EFCAB6: variants seen among roughly 807,000 people sequenced by gnomAD.
EFCAB6 encodes the protein EF-hand calcium-binding domain-containing protein 6.
In EFCAB6, 156 loss-of-function variants were observed where a neutral mutation model predicts 169.8. That is an observed-to-expected ratio of 0.92 (90% CI 0.81 to 1.05). The LOEUF (loss-of-function observed/expected upper bound fraction) is 1.05. EFCAB6 is among the 50% of genes least tolerant of loss of function. EFCAB6 has a pLI of 0.00. For synonymous variants in EFCAB6, 698 were observed against 676.4 expected (o/e 1.03, Z -0.50); for missense variants, 1,800 against 1,829.1 (o/e 0.98, Z 0.29).
At chr22:43,632,045 C>T (rs2054984629) in intron 19 of EFCAB6, 60 bp downstream of exon 19, 6 of 1,589,514 alleles carry the variant, frequency 3.8e-6, no homozygotes, top group South Asian at 3.4e-5. Flanking sequence ...CCCACTTGGG[C>T]TGCGTGGTTG....
chr22:43,717,601 C>T (rs889052082), intron 8 of EFCAB6, among the ~76,000 whole-genome samples: 2 of 152,096 alleles, frequency 1.3e-5, no homozygotes, highest in Non-Finnish European at 2.9e-5. Flanking sequence ...TACTCAAGCT[C>T]ATTGATCATT....
In EFCAB6 at chr22:43,731,765, T is replaced by G; in HGVS notation, c.691A>C (p.Asn231His). ...NIHKDTAVDY[N>H]VFLKNLSINN... ...ATGCTGAGATTCTTCAAAAACACGT[T>G]GTAATCTACTGCAGTATCCTTGTGG... The change falls in exon 8 of 32, where the codon AAC becomes CAC. Residue 231 changes from asparagine to histidine, a missense_variant. Transcript: ENST00000262726. 1 of 1,603,876 alleles carries G rather than the reference T, an allele frequency of 6.2e-7. No individual in the cohort carries two copies. Among genetic ancestry groups the G allele is most frequent in the Non-Finnish European group, 8.5e-7 (1 of 1,176,680 alleles).
Position 43,672,055 on chromosome 22 carries a change from C to T in EFCAB6, c.1558G>A (p.Asp520Asn). 3 of 1,614,202 alleles carry T rather than the reference C, an allele frequency of 1.9e-6. No individual in the cohort carries two copies. Among genetic ancestry groups the T allele is most frequent in the Non-Finnish European group, 2.5e-6 (3 of 1,180,042 alleles). Residue 520 changes from aspartate (D) to asparagine (N), a missense_variant, in exon 15 of 32, where the codon GAC becomes AAC. By Grantham distance (23) the Asp-to-Asn change is conservative (BLOSUM62 1). Coordinates refer to ENST00000262726, the MANE Select transcript of EFCAB6 (RefSeq NM_022785.4). ...TTATTTCGGCCAATGCGCCCTGTGT[C>T]TCCAAGGTCATATGAGCGTAGCATG... ...YNMLRSYDLG[D>N]TGRIGRNNFK...
rs1247320879 is a variant in EFCAB6 at position 43,593,188 on chromosome 22, G to A, written c.2877-2959C>T. On this transcript the variant is annotated intron_variant, in intron 23 of 31. Transcript: ENST00000262726. ...GGAATTTTTACAAGCCGATATTTTT[G>A]AGGAAACAGAAATTGGTCATGCATT... 3.3e-5 allele frequency among the ~76,000 whole-genome samples: 5 copies of A among 152,330 alleles called. 1 individual carries two copies. The highest frequency in any genetic ancestry group is 6.8e-3 in the Middle Eastern group (2 of 294).
chr22:43,618,211 A>AAAG (rs2053867921), intron 20 of EFCAB6, among the ~76,000 whole-genome samples: 1 of 137,534 alleles, frequency 7.3e-6, no homozygotes, highest in South Asian at 2.5e-4. Flanking sequence ...AGAAAGAAAG[A>AAAG]AAGAAAGAAA....
chr22:43,778,973 G>A (rs186696182), intron 3 of EFCAB6, among the ~76,000 whole-genome samples: 11 of 152,050 alleles, frequency 7.2e-5, no homozygotes, highest in Admixed American at 2.6e-4. Flanking sequence ...AACACCCACA[G>A]AAAGAATAAT....
chr22:43,634,985 G>A (rs190379463), intron 18 of EFCAB6, 117 bp downstream of exon 18: 46 of 743,064 alleles, frequency 6.2e-5, no homozygotes, highest in Middle Eastern at 2.4e-4. Context: ...AAGACACCTC[G>A]TTTCAACATC....
chr22:43,549,867 C>T lies in EFCAB6; in HGVS notation c.3648+5002G>A, dbSNP rs377672531. Reference sequence around the variant, plus strand: ...AAGTTTAGTTTAACATCAGAAAGTCCGTTAATGTAATCCGCTATATTGAGA... The same window carrying T: ...AAGTTTAGTTTAACATCAGAAAGTCTGTTAATGTAATCCGCTATATTGAGA... On this transcript the variant is annotated intron_variant, in intron 27 of 31. Coordinates refer to ENST00000262726, the MANE Select transcript of EFCAB6 (RefSeq NM_022785.4). Among the ~76,000 whole-genome samples the T allele has an allele frequency of 1.8e-3, 271 of 152,230 alleles. 7 individuals carry two copies. In the South Asian group the frequency reaches 0.051, roughly 29 times the overall value.
chr22:43,773,735 T>C (rs1180666704), intron 3 of EFCAB6, among the ~76,000 whole-genome samples: 1 of 152,184 alleles, frequency 6.6e-6, no homozygotes, highest in Non-Finnish European at 1.5e-5. Flanking sequence ...TAATCCCAGC[T>C]ACTCAGGAGG....
intron 2 of EFCAB6, among the ~76,000 whole-genome samples, chr22:43,805,196 A>G (rs2062874626): frequency 6.6e-6 from 1 of 152,230 alleles, no homozygotes; most frequent in African/African-American, 2.4e-5. Flanking sequence ...AAACTATAAA[A>G]CACCAATGAA....
At chr22:43,747,847 A>G (rs1181211957) in intron 6 of EFCAB6, among the ~76,000 whole-genome samples, 1 of 152,148 alleles carries the variant, frequency 6.6e-6, no homozygotes, top group Non-Finnish European at 1.5e-5. Flanking sequence ...AAAGTCTTAG[A>G]GAGTTTACTG....
At chr22:43,620,490 T>C (rs1018841758) in intron 20 of EFCAB6, among the ~76,000 whole-genome samples, 1 of 152,058 alleles carries the variant, frequency 6.6e-6, no homozygotes, top group African/African-American at 2.4e-5. Flanking sequence ...AAACTCTATA[T>C]CCAGCAAAAA....
intron 5 of EFCAB6, among the ~76,000 whole-genome samples, chr22:43,758,880 C>A (rs2061050232): frequency 6.6e-6 from 1 of 152,130 alleles, no homozygotes; most frequent in Non-Finnish European, 1.5e-5. Context: ...ATCAAATTAA[C>A]CTTTAGAGGC....
intron 5 of EFCAB6, among the ~76,000 whole-genome samples, chr22:43,756,476 G>C (rs2060962852): frequency 6.6e-6 from 1 of 152,090 alleles, no homozygotes; most frequent in Non-Finnish European, 1.5e-5. Flanking sequence ...CATTATCTGT[G>C]TATCTACAAA....
At chr22:43,745,279 T>C (rs1382670153) in intron 6 of EFCAB6, among the ~76,000 whole-genome samples, 1 of 152,220 alleles carries the variant, frequency 6.6e-6, no homozygotes. Flanking sequence ...GTTTCCCCTC[T>C]GAAGCCCAGA....
At chr22:43,575,356 ATGT>A (rs1373146222) in intron 26 of EFCAB6, among the ~76,000 whole-genome samples, 2 of 102,258 alleles carry the variant, frequency 2.0e-5, no homozygotes, top group Admixed American at 2.6e-4. Flanking sequence ...ACATCCGGCT[ATGT>A]TTTTTTTTTT....
At chr22:43,729,051 G>A (rs531159272) in intron 8 of EFCAB6, among the ~76,000 whole-genome samples, 2 of 152,302 alleles carry the variant, frequency 1.3e-5, no homozygotes, top group Admixed American at 6.5e-5. Context: ...GGTGGAAGGT[G>A]AACAGGGAGC....
chr22:43,591,833 A>C (rs1405197866), intron 23 of EFCAB6, among the ~76,000 whole-genome samples: 1 of 152,196 alleles, frequency 6.6e-6, no homozygotes, highest in African/African-American at 2.4e-5. Flanking sequence ...CGGTTAAGGA[A>C]CTCAAAAAGT....
chr22:43,591,835 T>C lies in EFCAB6; in HGVS notation c.2877-1606A>G, dbSNP rs16990785. On this transcript the variant is annotated intron_variant, in intron 23 of 31. Transcript: ENST00000262726. ...TCGAAAAAAATTACGGTTAAGGAACTCAAAAAGTGTAGAAATCTTTAAGAA... is the reference window on the plus strand; with the variant it reads ...TCGAAAAAAATTACGGTTAAGGAACCCAAAAAGTGTAGAAATCTTTAAGAA... Among the ~76,000 whole-genome samples, 1,026 of 152,292 alleles carry C rather than the reference T, an allele frequency of 6.7e-3. 16 individuals carry two copies. The highest frequency in any genetic ancestry group is 0.024 in the African/African-American group (984 of 41,556).
Sources: gnomAD v4.1 joint callset for allele counts (sites outside exome capture counted in the v4.1 genomes callset) on GRCh38, gnomAD v4.1.1 for gene constraint, MANE v1.5 for transcripts, NCBI Gene and HGNC (gene_info 2026-07-23, HGNC 2026-07-21) for gene names.